SLIT2: variants seen among roughly 807,000 people sequenced by gnomAD.
The protein encoded by SLIT2 is slit homolog 2 protein.
A neutral mutation model predicts 185.7 loss-of-function variants in SLIT2; 41 were observed. That is an observed-to-expected ratio of 0.22 (90% CI 0.17 to 0.29). The LOEUF is 0.29. Among genes scored for constraint, SLIT2 ranks in the 10% least tolerant of loss-of-function variants. SLIT2 has a pLI of 1.00. For synonymous variants in SLIT2, 693 were observed against 680.2 expected (o/e 1.02, Z -0.29); for missense variants, 1,571 against 1,909.0 (o/e 0.82, Z 3.30).
intron 4 of SLIT2, among the ~76,000 whole-genome samples, chr4:20,463,875 CAA>C (rs555271635): frequency 3.2e-4 from 34 of 106,386 alleles, no homozygotes; most frequent in African/African-American, 3.8e-4. Flanking sequence ...GACTTTGTCT[CAA>C]AAAAAAAAAA....
intron 4 of SLIT2, among the ~76,000 whole-genome samples, chr4:20,343,911 C>G (rs944285276): frequency 2.0e-5 from 3 of 151,650 alleles, no homozygotes; most frequent in African/African-American, 7.3e-5. Flanking sequence ...AGTGCAGTGT[C>G]ATGATCTCAC....
At chr4:20,558,117 G>A (rs1455895740) in intron 26 of SLIT2, among the ~76,000 whole-genome samples, 5 of 151,968 alleles carry the variant, frequency 3.3e-5, no homozygotes, top group African/African-American at 7.3e-5. Flanking sequence ...TAGCCACAAA[G>A]GATTTAGAAT....
At chr4:20,430,735 A>G (rs1001580014) in intron 4 of SLIT2, among the ~76,000 whole-genome samples, 1 of 152,218 alleles carries the variant, frequency 6.6e-6, no homozygotes, top group Admixed American at 6.5e-5. Context: ...CCTCCCGCCC[A>G]TGGGGCCTCG....
At chr4:20,295,390 G>A (rs973884315) in intron 4 of SLIT2, among the ~76,000 whole-genome samples, 1 of 152,104 alleles carries the variant, frequency 6.6e-6, no homozygotes, top group African/African-American at 2.4e-5. Flanking sequence ...CATTCCTGTG[G>A]AAAGATGCTA....
At chr4:20,507,198 T>C (rs1201895757) in intron 9 of SLIT2, among the ~76,000 whole-genome samples, 4 of 152,008 alleles carry the variant, frequency 2.6e-5, no homozygotes, top group Non-Finnish European at 5.9e-5. Flanking sequence ...TTTCTGAGTA[T>C]GCAGCATTTT....
chr4:20,363,363 T>A (rs1053345229), intron 4 of SLIT2, among the ~76,000 whole-genome samples: 17 of 152,288 alleles, frequency 1.1e-4, no homozygotes, highest in Non-Finnish European at 2.1e-4. Context: ...TAGTAGTGTT[T>A]CTGCATTACC....
At chr4:20,602,577 C>T (rs1053592386) in intron 33 of SLIT2, among the ~76,000 whole-genome samples, 13 of 152,098 alleles carry the variant, frequency 8.5e-5, no homozygotes, top group East Asian at 1.9e-4. Flanking sequence ...AAAATACAGG[C>T]GTTGGGCACC....
intron 4 of SLIT2, among the ~76,000 whole-genome samples, chr4:20,317,588 TATGTCTGTAAA>T (rs993970119): frequency 2.0e-4 from 30 of 152,208 alleles, no homozygotes; most frequent in African/African-American, 6.7e-4. Flanking sequence ...CCTCAGATTC[TATGTCTGTAAA>T]ATGGGATTTA....
At chr4:20,362,225 G>C (rs1425146764) in intron 4 of SLIT2, among the ~76,000 whole-genome samples, 1 of 152,112 alleles carries the variant, frequency 6.6e-6, no homozygotes, top group East Asian at 1.9e-4. Flanking sequence ...TGTTATCAAG[G>C]ATGGTTCTGT....
rs765231109 is a variant in SLIT2, at chr4:20,542,642, C to CTTTCT, written c.2276+30_2276+34dup. On this transcript the variant is annotated intron_variant, in intron 21 of 36. Transcript: ENST00000504154. Reference sequence around the variant, plus strand: ...TCACAGAGTTGTAAGTAGAGCTTGTCTTTCTTTTCTTTTCTTTTTCCTTGA... The same window carrying CTTTCT: ...TCACAGAGTTGTAAGTAGAGCTTGTCTTTCTTTTCTTTTCTTTTCTTTTTCCTTGA... 6.2e-6 allele frequency: 10 copies of CTTTCT among 1,610,182 alleles called. No homozygotes were observed. Among genetic ancestry groups the CTTTCT allele is most frequent in the Admixed American group, 1.7e-5 (1 of 59,596 alleles).
intron 4 of SLIT2, among the ~76,000 whole-genome samples, chr4:20,380,085 C>A (rs1298494402): frequency 2.0e-5 from 3 of 152,040 alleles, no homozygotes; most frequent in Admixed American, 2.0e-4. Context: ...GTATGTAGAG[C>A]AACTTCAAGA....
intron 4 of SLIT2, among the ~76,000 whole-genome samples, chr4:20,443,832 A>G (rs554749483): frequency 2.0e-5 from 3 of 152,266 alleles, no homozygotes; most frequent in Non-Finnish European, 4.4e-5. Context: ...GAAGAACAAG[A>G]TGTTAGATTG....
At chr4:20,581,572 C>T (rs1042130587) in intron 29 of SLIT2, among the ~76,000 whole-genome samples, 1 of 152,144 alleles carries the variant, frequency 6.6e-6, no homozygotes, top group Non-Finnish European at 1.5e-5. Context: ...CTCTTTCCCC[C>T]ATGCTTATTC....
At position 20,472,295 on chromosome 4, in the gene SLIT2, G is replaced by GATATATATCTATATATCT. The variant is rs1205039657; in HGVS notation, c.467+4479_467+4480insTCTATATATCTATATATA. ...ATATATCTATATATATAGATATATA[G>GATATATATCTATATATCT]ATATATAGATCTATATATAGATATA... On this transcript the variant is annotated intron_variant, in intron 5 of 36. Coordinates refer to ENST00000504154, the MANE Select transcript of SLIT2 (RefSeq NM_004787.4). Among the ~76,000 whole-genome samples, 45 of 25,824 alleles carry GATATATATCTATATATCT rather than the reference G, an allele frequency of 1.7e-3. 1 individual carries two copies. Among genetic ancestry groups the GATATATATCTATATATCT allele is most frequent in the African/African-American group, 2.3e-3 (9 of 3,850 alleles). 16.9% of individuals were successfully genotyped at this position (25,824 alleles called of 152,430 possible). A position where few individuals can be genotyped will look rare whatever the true frequency, so the allele number is the denominator to read the frequency against.
At chr4:20,421,869 A>G (rs1728198114) in intron 4 of SLIT2, among the ~76,000 whole-genome samples, 1 of 152,020 alleles carries the variant, frequency 6.6e-6, no homozygotes, top group East Asian at 1.9e-4. Flanking sequence ...TGCATGCAAG[A>G]TTGCTTTTCA....
intron 4 of SLIT2, among the ~76,000 whole-genome samples, chr4:20,287,783 A>T (rs902264127): frequency 6.6e-6 from 1 of 152,146 alleles, no homozygotes; most frequent in African/African-American, 2.4e-5. Flanking sequence ...TTTCATCTTT[A>T]TGCTTCCCAC....
At chr4:20,396,804 T>A (rs1000954798) in intron 4 of SLIT2, among the ~76,000 whole-genome samples, 3 of 148,618 alleles carry the variant, frequency 2.0e-5, no homozygotes, top group African/African-American at 4.9e-5. Flanking sequence ...CTCATATATA[T>A]GAGAACATAT....
chr4:20,472,255 G>GATCTATATCTATAT (rs1715159579), intron 5 of SLIT2, among the ~76,000 whole-genome samples: 1 of 21,898 alleles, frequency 4.6e-5, no homozygotes, highest in East Asian at 2.0e-3. Context: ...TCTATATATA[G>GATCTATATCTATAT]ATCTATATAT....
At chr4:20,425,698 C>G (rs1399099706) in intron 4 of SLIT2, among the ~76,000 whole-genome samples, 1 of 152,156 alleles carries the variant, frequency 6.6e-6, no homozygotes. Context: ...TTAGTGAGTT[C>G]AACTTTAAGC....
Sources: allele counts gnomAD v4.1 joint callset (sites outside exome capture counted in the v4.1 genomes callset), GRCh38; gene constraint gnomAD v4.1.1; transcripts MANE v1.5; gene names NCBI Gene and HGNC (gene_info 2026-07-23, HGNC 2026-07-21).